Variants in SCAF4 observed in about 807,000 individuals in gnomAD.
SCAF4 encodes SR-related and CTD-associated factor 4.
Under a neutral mutation model 129.8 loss-of-function variants are expected in SCAF4, and 25 were observed. The ratio of observed to expected loss-of-function variants is 0.19; its 90% CI spans 0.14 to 0.27. The LOEUF is 0.27. SCAF4 is among the 10% of genes least tolerant of loss of function. The pLI is 1.00. For missense variants in SCAF4, 1,246 were observed against 1,457.1 expected (o/e 0.86, Z 2.36); for synonymous variants, 551 against 497.7 (o/e 1.11, Z -1.43).
At chr21:31,690,675 A>C (rs2050238435) in intron 15 of SCAF4, 122 bp downstream of exon 15, 2 of 783,744 alleles carry the variant, frequency 2.6e-6, no homozygotes, top group Admixed American at 4.9e-5. Context: ...AGATACTGAC[A>C]CAGGAGGGAT....
At chr21:31,702,142 T>A in intron 5 of SCAF4, 102 bp downstream of exon 5, 1 of 1,496,626 alleles carries the variant, frequency 6.7e-7, no homozygotes, top group Non-Finnish European at 9.2e-7. Context: ...AAACTCAAGT[T>A]TCCTTCTTAT....
intron 7 of SCAF4, among the ~76,000 whole-genome samples, chr21:31,699,619 T>C (rs2050473269): frequency 6.6e-6 from 1 of 152,274 alleles, no homozygotes. Flanking sequence ...TGGTATTTAC[T>C]AGGTGGATTT....
At chr21:31,690,707 C>A (rs561003149) in intron 15 of SCAF4, 90 bp downstream of exon 15, 2 of 1,181,218 alleles carry the variant, frequency 1.7e-6, no homozygotes, top group East Asian at 2.4e-5. Flanking sequence ...TCAAAAATCA[C>A]GTCCTAATGC....
rs1038166968 is a variant in SCAF4 at position 31,731,847 on chromosome 21, G to A, written c.-155C>T. On this transcript the variant is annotated 5_prime_UTR_variant, in exon 1 of 20. Transcript: ENST00000286835. Reference sequence around the variant, plus strand: ...CGGGCAGGAAGAGGCTGCGCCCGAAGCGGCGAGGCGGGCGGCCGAGGCAGA... The same window carrying A: ...CGGGCAGGAAGAGGCTGCGCCCGAAACGGCGAGGCGGGCGGCCGAGGCAGA... 9.9e-6 allele frequency: 8 copies of A among 811,124 alleles called. No homozygotes were observed. The highest frequency in any genetic ancestry group is 1.2e-5 in the Non-Finnish European group (7 of 568,678). 50.2% of individuals were successfully genotyped at this position (811,124 alleles called of 1,614,324 possible).
In SCAF4 at chr21:31,693,504, G is replaced by A. The variant is rs182412101; in HGVS notation, c.1323-20C>T. The A allele has an allele frequency of 7.6e-6, 11 of 1,444,278 alleles. No individual in the cohort carries two copies. Among genetic ancestry groups the A allele is most frequent in the Admixed American group, 2.1e-5 (1 of 47,918 alleles). The allele number at this position is 1,444,278 out of a possible 1,614,324, so 89.5% of individuals were successfully genotyped here. A position where few individuals can be genotyped will look rare whatever the true frequency, so the allele number is the denominator to read the frequency against. The stretch of plus-strand genomic sequence containing the variant: ...GGTGACCTAATGTTTTCAAGAGAAG[G>A]GAGAATGCATAGCATATAGACAAAA... On this transcript the variant is annotated intron_variant, in intron 11 of 19. Transcript: ENST00000286835.
chr21:31,694,973 A>C lies in SCAF4; in HGVS notation c.1076T>G (p.Leu359Arg). The change falls in exon 10 of 20, where the codon CTT (leucine) becomes CGT (arginine). Residue 359 changes from leucine to arginine, a missense_variant. Around this residue, in one of 6 missense-constraint regions of SCAF4, gnomAD observed 236 missense variants for 210.0 expected, o/e 1.12. Coordinates refer to ENST00000286835, the MANE Select transcript of SCAF4 (RefSeq NM_020706.2). ...QQDPMHHQVPLPPNGQMPGFG... is the reference protein window; with the variant it reads ...QQDPMHHQVPRPPNGQMPGFG... ...TCCTGGCATTTGTCCATTAGGAGGAAGTGGAACCTTTCATTTTTAAAGAAA... is the reference window on the plus strand; with the variant it reads ...TCCTGGCATTTGTCCATTAGGAGGACGTGGAACCTTTCATTTTTAAAGAAA... 6.2e-7 allele frequency: 1 copy of C among 1,612,960 alleles called. No individual in the cohort carries two copies. Among genetic ancestry groups the C allele is most frequent in the South Asian group, 1.1e-5 (1 of 90,874 alleles).
chr21:31,726,470 T>A (rs1414722478), intron 1 of SCAF4, among the ~76,000 whole-genome samples: 1 of 152,016 alleles, frequency 6.6e-6, no homozygotes, highest in African/African-American at 2.4e-5. Context: ...GAGACCAGCA[T>A]GGGCAACAGA....
At chr21:31,720,270 T>C (rs2051038162) in intron 1 of SCAF4, among the ~76,000 whole-genome samples, 1 of 152,230 alleles carries the variant, frequency 6.6e-6, no homozygotes, top group Non-Finnish European at 1.5e-5. Context: ...TATAAAATCC[T>C]TAATGAGTTA....
chr21:31,706,399 T>C, intron 1 of SCAF4, 42 bp from the exon 2 acceptor site: 1 of 1,356,952 alleles, frequency 7.4e-7, no homozygotes, highest in African/African-American at 1.5e-5. Flanking sequence ...GTTTAACTAT[T>C]TGGCTAGTAA....
rs910595317 is a variant in SCAF4, at chr21:31,706,021, G to T, written c.114+253C>A. On this transcript the variant is annotated intron_variant, in intron 2 of 19. Coordinates refer to ENST00000286835, the MANE Select transcript of SCAF4 (RefSeq NM_020706.2). ...GGAGGGTGAGGTTGCAGTGAGCTGA[G>T]ATCGCACCACTGCATTCCAGCCTGG... Among the ~76,000 whole-genome samples the T allele has an allele frequency of 2.6e-5, 4 of 152,340 alleles. No individual in the cohort carries two copies. The South Asian group carries it at 8.3e-4, about 32-fold the overall frequency.
chr21:31,673,858 A>T (rs2049779833), intron 19 of SCAF4, among the ~76,000 whole-genome samples: 1 of 152,224 alleles, frequency 6.6e-6, no homozygotes, highest in Non-Finnish European at 1.5e-5. Context: ...ACCTTTTATC[A>T]GTAAAGATTT....
Position 31,696,123 on chromosome 21 carries a change from A to C in SCAF4, c.1058T>G (p.Met353Arg). Residue 353 changes from methionine (M) to arginine (R), a missense_variant, in exon 9 of 20, where the codon ATG (methionine) becomes AGG (arginine). This residue lies in a region of SCAF4 where 236 missense variants were observed against 210.0 expected (regional missense o/e 1.12). Transcript: ENST00000286835. ...PRMMGIQQDP[M>R]HHQVPLPPNG... ...GAAAAATGCTTGTACCTGATGGTGC[A>C]TTGGATCCTGTTGTATTCCCATCAT... 6.2e-7 allele frequency: 1 copy of C among 1,610,776 alleles called. No homozygotes were observed. Among genetic ancestry groups the C allele is most frequent in the Non-Finnish European group, 8.5e-7 (1 of 1,177,076 alleles).
At chr21:31,699,137 T>G (rs993632435) in intron 7 of SCAF4, among the ~76,000 whole-genome samples, 1 of 152,142 alleles carries the variant, frequency 6.6e-6, no homozygotes, top group Non-Finnish European at 1.5e-5. Flanking sequence ...ATTAGTGGGA[T>G]AGAACAGTGT....
In SCAF4 at chr21:31,696,119, G is replaced by A. The variant is rs1226042704; in HGVS notation, c.1062C>T (p.His354=). The part of the protein sequence containing the change: ...RMMGIQQDPM[H]HQVPLPPNGQ... Reference sequence around the variant, plus strand: ...GCAAGAAAAATGCTTGTACCTGATGGTGCATTGGATCCTGTTGTATTCCCA... The same window carrying A: ...GCAAGAAAAATGCTTGTACCTGATGATGCATTGGATCCTGTTGTATTCCCA... Residue 354 remains histidine, a synonymous_variant, in exon 9 of 20, where the codon CAC becomes CAT. Coordinates refer to ENST00000286835, the MANE Select transcript of SCAF4 (RefSeq NM_020706.2). 32 of 1,607,796 alleles carry A rather than the reference G, an allele frequency of 2.0e-5. No homozygotes were observed. The highest frequency in any genetic ancestry group is 2.5e-5 in the Non-Finnish European group (29 of 1,174,736).
intron 1 of SCAF4, 74 bp downstream of exon 1, chr21:31,731,589 C>T (rs926774522): frequency 2.8e-5 from 43 of 1,533,114 alleles, no homozygotes; most frequent in Non-Finnish European, 3.6e-5. Context: ...AAGCTTTAAA[C>T]CTCCGGCGGC....
chr21:31,698,762 GT>G (rs1354982728), intron 7 of SCAF4, among the ~76,000 whole-genome samples: 2 of 152,172 alleles, frequency 1.3e-5, no homozygotes, highest in Non-Finnish European at 2.9e-5. Flanking sequence ...CCTGGCCTGA[GT>G]TTTTAGTCTG....
At position 31,682,213 on chromosome 21, in the gene SCAF4, T is replaced by C. The variant is rs553400528; in HGVS notation, c.2488+2836A>G. Among the ~76,000 whole-genome samples the C allele has an allele frequency of 2.6e-5, 4 of 152,192 alleles. No homozygotes were observed. The East Asian group carries it at 7.7e-4, about 29-fold the overall frequency. On this transcript the variant is annotated intron_variant, in intron 19 of 19. Coordinates refer to ENST00000286835, the MANE Select transcript of SCAF4 (RefSeq NM_020706.2). ...GGCCAACATGGTGAAACCCTGTCTC[T>C]ACTAAAAATAGAAAAATCAGCTGGG...
At chr21:31,721,375 CTA>C (rs1476681697) in intron 1 of SCAF4, among the ~76,000 whole-genome samples, 1 of 152,072 alleles carries the variant, frequency 6.6e-6, no homozygotes, top group Non-Finnish European at 1.5e-5. Context: ...AGTTTAAAGA[CTA>C]TTATATATTT....
chr21:31,690,662 T>A, intron 15 of SCAF4, 135 bp downstream of exon 15: 1 of 682,916 alleles, frequency 1.5e-6, no homozygotes. Context: ...CAGTTTATAA[T>A]GGAGATACTG....
Sources: gnomAD v4.1 joint callset for allele counts (sites outside exome capture counted in the v4.1 genomes callset) on GRCh38, gnomAD v4.1.1 for gene constraint, gnomAD v4.1.1 regional missense constraint, MANE v1.5 for transcripts, NCBI Gene and HGNC (gene_info 2026-07-23, HGNC 2026-07-21) for gene names.